The following C5AR1 variants were observed in gnomAD, a reference collection of about 807,000 sequenced individuals.
The protein encoded by C5AR1 is complement C5a receptor 1.
C5AR1 carries 4 observed loss-of-function variants against 2.4 expected under a neutral mutation model. The observed-to-expected ratio is 1.65, with a 90% CI of 0.81 to 3.77. The LOEUF (loss-of-function observed/expected upper bound fraction) is 3.77. C5AR1 is among the 30% of genes most tolerant of loss of function. C5AR1 has a pLI of 0.01. For missense variants in C5AR1, 418 were observed against 462.5 expected (o/e 0.90, Z 0.88); for synonymous variants, 209 against 210.4 (o/e 0.99, Z 0.06).
chr19:47,308,835 C>T (rs907442440), upstream of C5AR1, among the ~76,000 whole-genome samples: 10 of 148,616 alleles, frequency 6.7e-5, no homozygotes, highest in African/African-American at 2.5e-4. Context: ...AGTGCAGTGG[C>T]GCAATCTTGG....
At chr19:47,309,553 C>T (rs1420978107), upstream of C5AR1, among the ~76,000 whole-genome samples, 1 of 136,648 alleles carries the variant, frequency 7.3e-6, no homozygotes, top group African/African-American at 2.8e-5. Flanking sequence ...GCAGCCTGGG[C>T]GACACAGCAA....
intron 1 of C5AR1, among the ~76,000 whole-genome samples, chr19:47,317,389 T>C (rs2059293144): frequency 1.3e-5 from 2 of 151,002 alleles, no homozygotes; most frequent in South Asian, 4.2e-4. Context: ...GCACCTGTAG[T>C]CCCAGCTGCT....
chr19:47,316,729 C>T (rs1359634281), intron 1 of C5AR1: 4 of 152,188 alleles, frequency 2.6e-5, no homozygotes, highest in African/African-American at 7.2e-5. Flanking sequence ...TATTCCACCA[C>T]GTGGCTAAAC....
upstream of C5AR1, among the ~76,000 whole-genome samples, chr19:47,309,202 T>C (rs967482455): frequency 3.3e-5 from 5 of 152,132 alleles, no homozygotes; most frequent in African/African-American, 1.2e-4. Context: ...TCTGCTTTCT[T>C]GAATCCCAAG....
chr19:47,310,035 TC>T, intron 1 of C5AR1, 137 bp downstream of exon 1: 1 of 835,780 alleles, frequency 1.2e-6, no homozygotes, highest in Non-Finnish European at 1.9e-6. Context: ...CTCCCTGTCT[TC>T]CACCTCCCAC....
chr19:47,319,244 A>G (rs1485140550), intron 1 of C5AR1, among the ~76,000 whole-genome samples: 5 of 147,066 alleles, frequency 3.4e-5, no homozygotes, highest in Non-Finnish European at 1.5e-5. Flanking sequence ...GCTTCGCAGG[A>G]TGGGACTGAG....
Position 47,320,542 on chromosome 19 carries a change from G to C in C5AR1, c.765G>C (p.Trp255Cys). Reference sequence around the variant, plus strand: ...TGGTGGCCAGTTTCTTTATCTTCTGGTTGCCCTACCAGGTGACGGGGATAA... The same window carrying C: ...TGGTGGCCAGTTTCTTTATCTTCTGCTTGCCCTACCAGGTGACGGGGATAA... Reference protein sequence around the residue: ...VAVVASFFIFWLPYQVTGIMM... With the variant: ...VAVVASFFIFCLPYQVTGIMM... The change falls in exon 2 of 2, where the codon TGG becomes TGC. Residue 255 changes from tryptophan to cysteine, a missense_variant. Trp to Cys is a radical substitution (Grantham distance 215). Coordinates refer to ENST00000355085, the MANE Select transcript of C5AR1 (RefSeq NM_001736.4). This position sits in a 1 kb window ranked among gnomAD's most constrained non-coding sequence, Gnocchi z 4.9. 1 of 1,613,872 alleles carries C rather than the reference G, an allele frequency of 6.2e-7. No individual in the cohort carries two copies. Among genetic ancestry groups the C allele is most frequent in the South Asian group, 1.1e-5 (1 of 91,060 alleles).
chr19:47,311,393 C>T (rs564900866), intron 1 of C5AR1, among the ~76,000 whole-genome samples: 1 of 152,024 alleles, frequency 6.6e-6, no homozygotes, highest in Non-Finnish European at 1.5e-5. Context: ...GCCTGTAGTC[C>T]CAGCACTTGA....
intron 1 of C5AR1, among the ~76,000 whole-genome samples, chr19:47,313,275 G>A (rs544762776): frequency 2.6e-4 from 39 of 151,904 alleles, no homozygotes; most frequent in African/African-American, 1.4e-4. Flanking sequence ...CGCGCCTGGC[G>A]TCCAGCCACA....
intron 1 of C5AR1, among the ~76,000 whole-genome samples, chr19:47,312,213 G>A (rs1293960169): frequency 6.6e-6 from 1 of 152,006 alleles, no homozygotes; most frequent in Non-Finnish European, 1.5e-5. Context: ...AGCCTCCCAG[G>A]TAGCTGGGAC....
At chr19:47,308,321 C>T (rs112210852), upstream of C5AR1, among the ~76,000 whole-genome samples, 1,486 of 151,752 alleles carry the variant, frequency 9.8e-3, 29 homozygotes, top group African/African-American at 0.034. Flanking sequence ...TGATCTGTCA[C>T]TGTATCCCAT....
chr19:47,309,674 G>A (rs1365914593), upstream of C5AR1, among the ~76,000 whole-genome samples: 2 of 151,996 alleles, frequency 1.3e-5, no homozygotes, highest in African/African-American at 2.4e-5. Context: ...TCGGTTTTCC[G>A]AGCGCCGGCC....
chr19:47,313,945 G>A (rs142439158), intron 1 of C5AR1, among the ~76,000 whole-genome samples: 3 of 152,208 alleles, frequency 2.0e-5, no homozygotes, highest in Non-Finnish European at 4.4e-5. Flanking sequence ...GATAATACAC[G>A]AGAAAGGCTC....
chr19:47,312,582 CT>C (rs1410150401), intron 1 of C5AR1, among the ~76,000 whole-genome samples: 2 of 152,114 alleles, frequency 1.3e-5, no homozygotes, highest in Admixed American at 6.6e-5. Flanking sequence ...CTACATCTGG[CT>C]TTTTTAAATG....
intron 1 of C5AR1, among the ~76,000 whole-genome samples, chr19:47,311,657 C>A (rs1001263261): frequency 6.6e-6 from 1 of 152,098 alleles, no homozygotes; most frequent in Non-Finnish European, 1.5e-5. Flanking sequence ...CTCTGCCTCG[C>A]GGCTTCAAGC....
intron 1 of C5AR1, among the ~76,000 whole-genome samples, chr19:47,310,255 C>T (rs1413030259): frequency 1.3e-5 from 2 of 152,066 alleles, no homozygotes; most frequent in East Asian, 3.9e-4. Flanking sequence ...ACCTGTGATC[C>T]CAGCACATTG....
chr19:47,317,680 G>T (rs937604674), intron 1 of C5AR1, among the ~76,000 whole-genome samples: 4 of 151,104 alleles, frequency 2.6e-5, no homozygotes, highest in African/African-American at 9.7e-5. Context: ...TGAGGTGAGT[G>T]TTTTAAAGGT....
rs776284801 is a variant in C5AR1 at position 47,309,887 on chromosome 19, G to A, written c.-9G>A. On this transcript the variant is annotated 5_prime_UTR_variant, in exon 1 of 2. Transcript: ENST00000355085. ...CCTTCGATCCTCGGGGAGCCCAGGA[G>A]ACCAGAACATGGTGAGTCTCGAAGG... 1 of 1,612,728 alleles carries A rather than the reference G, an allele frequency of 6.2e-7. No homozygotes were observed. Among genetic ancestry groups the A allele is most frequent in the African/African-American group, 1.3e-5 (1 of 74,818 alleles).
At chr19:47,317,910 G>T (rs1317952355) in intron 1 of C5AR1, among the ~76,000 whole-genome samples, 1 of 151,048 alleles carries the variant, frequency 6.6e-6, no homozygotes, top group East Asian at 1.9e-4. Flanking sequence ...GAACCTGGGA[G>T]GCAGAGGTTG....
Sources: allele counts gnomAD v4.1 joint callset (sites outside exome capture counted in the v4.1 genomes callset), GRCh38; gene constraint gnomAD v4.1.1; non-coding constraint Gnocchi (gnomAD v3.1); transcripts MANE v1.5; gene names NCBI Gene and HGNC (gene_info 2026-07-23, HGNC 2026-07-21).